LGR6: variants seen among roughly 807,000 people sequenced by gnomAD.
The protein encoded by LGR6 is leucine-rich repeat-containing G protein-coupled receptor 6.
A neutral mutation model predicts 69.4 loss-of-function variants in LGR6; 45 were observed. The observed-to-expected ratio is 0.65, with a 90% CI of 0.51 to 0.83. LGR6 has a LOEUF of 0.83. LGR6 is among the 40% of genes least tolerant of loss of function. LGR6 has a pLI of 0.00. For missense variants in LGR6, 1,108 were observed against 1,246.7 expected (o/e 0.89, Z 1.68); for synonymous variants, 538 against 555.0 (o/e 0.97, Z 0.43).
chr1:202,220,971 GATC>G (rs1025468212), intron 1 of LGR6, among the ~76,000 whole-genome samples: 7 of 152,136 alleles, frequency 4.6e-5, no homozygotes, highest in Non-Finnish European at 8.8e-5. Context: ...ACAGAGATTA[GATC>G]ATCAAGTCAT....
intron 6 of LGR6, 91 bp from the exon 7 acceptor site, chr1:202,297,417 G>A: frequency 9.7e-7 from 1 of 1,028,714 alleles, no homozygotes; most frequent in Non-Finnish European, 1.5e-6. Flanking sequence ...CATCTCCCTG[G>A]CCAAGCCCAG....
rs374899792 is a variant in LGR6, at chr1:202,214,159, G to C, written c.213-11264G>C. 15 of 1,516,960 alleles carry C rather than the reference G, an allele frequency of 9.9e-6. No individual in the cohort carries two copies. The East Asian group carries it at 1.6e-4, about 16-fold the overall frequency. The allele number at this position is 1,516,960 out of a possible 1,614,324, so 94.0% of individuals were successfully genotyped here. ...CTCGAGGTCCCAGGGGCCGGAATGC[G>C]CTTGGAGGGAGAGGGCCGCTCAGCG... On this transcript the variant is annotated intron_variant, in intron 1 of 17. Transcript: ENST00000367278.
rs1455640490 is a variant in LGR6 at position 202,259,131 on chromosome 1, G to A, written c.429-17175G>A. ...TTTGGATAATCCCATCTTGATGGTG[G>A]TAGACTATTCTTACTGTGTTTTATT... On this transcript the variant is annotated intron_variant, in intron 4 of 17. Coordinates refer to ENST00000367278, the MANE Select transcript of LGR6 (RefSeq NM_001017403.2). Among the ~76,000 whole-genome samples the A allele has an allele frequency of 2.6e-5, 4 of 151,996 alleles. No homozygotes were observed. In the South Asian group the frequency reaches 6.2e-4, roughly 24 times the overall value.
intron 1 of LGR6, chr1:202,204,001 C>T: frequency 1.4e-6 from 1 of 707,224 alleles, no homozygotes; most frequent in East Asian, 2.6e-5. Flanking sequence ...TGTGTGTGTC[C>T]CCATCTGTCT....
chr1:202,213,955 T>G (rs1659579575), intron 1 of LGR6: 1 of 734,806 alleles, frequency 1.4e-6, no homozygotes, highest in Non-Finnish European at 1.7e-6. Context: ...TGGGCAGGTA[T>G]TTTAGATCCA....
intron 1 of LGR6, chr1:202,197,000 T>C (rs774854797): frequency 5.7e-6 from 3 of 530,878 alleles, no homozygotes; most frequent in Non-Finnish European, 7.7e-6. Flanking sequence ...AAATGAAAAA[T>C]GTTAAAACAC....
intron 2 of LGR6, among the ~76,000 whole-genome samples, chr1:202,227,329 C>T (rs2147959853): frequency 6.6e-6 from 1 of 152,300 alleles, no homozygotes; most frequent in East Asian, 1.9e-4. Flanking sequence ...CAGGTTTCAG[C>T]ATTGAGTGTA....
chr1:202,196,166 G>A (rs1303472688), intron 1 of LGR6, among the ~76,000 whole-genome samples: 1 of 152,106 alleles, frequency 6.6e-6, no homozygotes, highest in African/African-American at 2.4e-5. Context: ...TTAGCAGTGG[G>A]GTCTGGAATA....
At chr1:202,245,227 T>C (rs1662552609) in intron 4 of LGR6, among the ~76,000 whole-genome samples, 1 of 150,470 alleles carries the variant, frequency 6.6e-6, no homozygotes, top group Non-Finnish European at 1.5e-5. Flanking sequence ...GATTATATGC[T>C]ACTGTATTTG....
chr1:202,225,599 G>C, intron 2 of LGR6, 105 bp downstream of exon 2: 1 of 976,656 alleles, frequency 1.0e-6, no homozygotes, highest in Non-Finnish European at 1.6e-6. Context: ...AAAGGGGCTT[G>C]GGAAGCTAAG....
At chr1:202,311,865 C>A (rs1183127612) in intron 16 of LGR6, among the ~76,000 whole-genome samples, 1 of 151,896 alleles carries the variant, frequency 6.6e-6, no homozygotes, top group Non-Finnish European at 1.5e-5. Context: ...GGGCAGGCAA[C>A]CTGGGGGTCT....
At chr1:202,307,639 G>A (rs1653350226) in intron 14 of LGR6, among the ~76,000 whole-genome samples, 1 of 152,176 alleles carries the variant, frequency 6.6e-6, no homozygotes, top group South Asian at 2.1e-4. Flanking sequence ...TATTTTGGCA[G>A]CCTCAGCCCT....
intron 1 of LGR6, among the ~76,000 whole-genome samples, chr1:202,208,856 C>T (rs2147910722): frequency 6.6e-6 from 1 of 152,112 alleles, no homozygotes; most frequent in Non-Finnish European, 1.5e-5. Context: ...CTGGGCTAAC[C>T]CCTGGAACCC....
intron 4 of LGR6, among the ~76,000 whole-genome samples, chr1:202,263,769 A>G (rs1420630542): frequency 2.0e-5 from 3 of 152,342 alleles, no homozygotes; most frequent in African/African-American, 7.2e-5. Flanking sequence ...ATCAACCTAT[A>G]CAAAGATCCA....
intron 4 of LGR6, among the ~76,000 whole-genome samples, chr1:202,244,833 G>C (rs761626124): frequency 2.0e-5 from 3 of 152,230 alleles, no homozygotes; most frequent in Non-Finnish European, 4.4e-5. Flanking sequence ...GGGGTAAGAA[G>C]CTGAGGCTAG....
intron 3 of LGR6, among the ~76,000 whole-genome samples, chr1:202,233,506 T>C (rs1021294881): frequency 1.3e-5 from 2 of 152,066 alleles, no homozygotes; most frequent in African/African-American, 4.8e-5. Flanking sequence ...GGCCCACCCT[T>C]TAGATGAAAG....
intron 6 of LGR6, among the ~76,000 whole-genome samples, chr1:202,296,594 C>T (rs780290054): frequency 6.6e-6 from 1 of 152,180 alleles, no homozygotes; most frequent in African/African-American, 2.4e-5. Flanking sequence ...AAGTTGCCCT[C>T]GGCCTCTTCC....
chr1:202,318,409 G>C lies in LGR6; in HGVS notation c.2106G>C (p.Ala702=), dbSNP rs788794. 6.2e-7 allele frequency: 1 copy of C among 1,606,054 alleles called. No individual in the cohort carries two copies. The highest frequency in any genetic ancestry group is 8.5e-7 in the Non-Finnish European group (1 of 1,176,264). ...TGGCACTGGCAGGGCTGGCCGCCGCGCTGCCCCTGGCCTCAGTGGGAGAAT... is the reference window on the plus strand; with the variant it reads ...TGGCACTGGCAGGGCTGGCCGCCGCCCTGCCCCTGGCCTCAGTGGGAGAAT... ...GCLALAGLAA[A]LPLASVGEYG... Residue 702 remains alanine (A), a synonymous_variant, in exon 18 of 18, where the codon GCG becomes GCC. Transcript: ENST00000367278.
At chr1:202,236,670 T>C (rs557543332) in intron 4 of LGR6, among the ~76,000 whole-genome samples, 5 of 152,316 alleles carry the variant, frequency 3.3e-5, no homozygotes, top group African/African-American at 1.2e-4. Context: ...ACACAGTAGG[T>C]GCCTCATACA....
Sources: gnomAD v4.1 joint callset for allele counts (sites outside exome capture counted in the v4.1 genomes callset) on GRCh38, gnomAD v4.1.1 for gene constraint, MANE v1.5 for transcripts, NCBI Gene and HGNC (gene_info 2026-07-23, HGNC 2026-07-21) for gene names.